Variants in MYT1L observed in about 807,000 individuals in gnomAD.
The protein encoded by MYT1L is myelin transcription factor 1-like protein.
In MYT1L, 12 loss-of-function variants were observed where a neutral mutation model predicts 126.7. The ratio of observed to expected loss-of-function variants is 0.09; its 90% confidence interval spans 0.06 to 0.15. The LOEUF (loss-of-function observed/expected upper bound fraction) is 0.15. MYT1L is among the 10% of genes least tolerant of loss of function. The pLI is 1.00. For missense variants in MYT1L, 979 were observed against 1,585.2 expected (o/e 0.62, Z 6.49); for synonymous variants, 541 against 604.2 (o/e 0.90, Z 1.53).
intron 2 of MYT1L, among the ~76,000 whole-genome samples, chr2:2,203,878 C>CACCAAAACAGCATGGTACTGGT (rs2093194104): frequency 6.6e-6 from 1 of 152,076 alleles, no homozygotes; most frequent in African/African-American, 2.4e-5. Flanking sequence ...AGGCTACAGT[C>CACCAAAACAGCATGGTACTGGT]ACCAAAACAG....
At chr2:1,881,192 T>C (rs2148792881) in intron 18 of MYT1L, among the ~76,000 whole-genome samples, 1 of 152,238 alleles carries the variant, frequency 6.6e-6, no homozygotes, top group Admixed American at 6.5e-5. Flanking sequence ...CCTCCCCACT[T>C]GTAGCCTCTT....
intron 1 of MYT1L, among the ~76,000 whole-genome samples, chr2:2,293,101 T>C (rs1573251827): frequency 1.3e-5 from 2 of 152,336 alleles, no homozygotes; most frequent in East Asian, 3.9e-4. Context: ...TGGAGGCATC[T>C]GGAGCCAGAG....
At chr2:1,869,055 C>T (rs944666542) in intron 18 of MYT1L, among the ~76,000 whole-genome samples, 2 of 152,258 alleles carry the variant, frequency 1.3e-5, no homozygotes, top group African/African-American at 4.8e-5. Context: ...AGAGCTTCAG[C>T]CAGGACTGCC....
chr2:2,218,672 C>G (rs2093763736), intron 2 of MYT1L, among the ~76,000 whole-genome samples: 1 of 152,170 alleles, frequency 6.6e-6, no homozygotes, highest in South Asian at 2.1e-4. Flanking sequence ...TCACAACTTA[C>G]AGAGTTGTAT....
At chr2:2,061,030 C>T (rs959007182) in intron 3 of MYT1L, among the ~76,000 whole-genome samples, 1 of 151,778 alleles carries the variant, frequency 6.6e-6, no homozygotes, top group South Asian at 2.1e-4. Context: ...AATTGTTTTT[C>T]CTTTTAACAT....
At chr2:1,972,230 G>A (rs1479872265) in intron 8 of MYT1L, among the ~76,000 whole-genome samples, 1 of 152,178 alleles carries the variant, frequency 6.6e-6, no homozygotes, top group South Asian at 2.1e-4. Context: ...AGAGCATTCA[G>A]CAGACACTGC....
At position 2,267,868 on chromosome 2, in the gene MYT1L, GA is replaced by G. The variant is rs933612189; in HGVS notation, c.-421+16535del. On this transcript the variant is annotated intron_variant, in intron 2 of 24. Transcript: ENST00000647738. ...TCCTTAAGGCAAGTATGTCAAATAA[GA>G]AAAAAAAAACCAAGGACAGAGGCTT... Among the ~76,000 whole-genome samples, 935 of 148,142 alleles carry G rather than the reference GA, an allele frequency of 6.3e-3. 9 individuals are homozygous for G. The highest frequency in any genetic ancestry group is 0.022 in the African/African-American group (885 of 40,474).
rs116437947 is a variant in MYT1L, at chr2:2,233,469, G to A, written c.-421+50935C>T. Among the ~76,000 whole-genome samples the A allele has an allele frequency of 2.8e-3, 423 of 152,286 alleles. 1 individual carries two copies. Among genetic ancestry groups the A allele is most frequent in the African/African-American group, 9.5e-3 (393 of 41,562 alleles). On this transcript the variant is annotated intron_variant, in intron 2 of 24. Coordinates refer to ENST00000647738, the MANE Select transcript of MYT1L (RefSeq NM_001303052.2). ...GGACCTCGCCTGTGTCTTGGAGGCC[G>A]CCTGCTCTGGCTCCTGAGGGGTCTA...
Position 1,979,412 on chromosome 2 carries a change from G to C in MYT1L, c.89+109C>G. On this transcript the variant is annotated intron_variant, in intron 7 of 24. Transcript: ENST00000647738. The surrounding 1 kb of genome is among the most constrained non-coding windows in gnomAD (Gnocchi z 4.0). ...CGGGGGAATTAATTTCATCAGTGCAGCAGGGCGTGAGCAAGCTGCCGATGA... is the reference window on the plus strand; with the variant it reads ...CGGGGGAATTAATTTCATCAGTGCACCAGGGCGTGAGCAAGCTGCCGATGA... The C allele has an allele frequency of 8.3e-7, 1 of 1,200,550 alleles. No homozygotes were observed. The highest frequency in any genetic ancestry group is 1.2e-6 in the Non-Finnish European group (1 of 805,354). The allele number at this position is 1,200,550 out of a possible 1,614,324, so 74.4% of individuals were successfully genotyped here. A position where few individuals can be genotyped will look rare whatever the true frequency, so the allele number is the denominator to read the frequency against.
intron 15 of MYT1L, among the ~76,000 whole-genome samples, chr2:1,890,417 A>G (rs1332006817): frequency 6.6e-6 from 1 of 152,138 alleles, no homozygotes; most frequent in Non-Finnish European, 1.5e-5. Flanking sequence ...ACTTTACGAA[A>G]GAAGATCTGC....
intron 2 of MYT1L, among the ~76,000 whole-genome samples, chr2:2,249,235 CAAAAAAGAA>C (rs1054579370): frequency 8.0e-5 from 12 of 149,212 alleles, no homozygotes; most frequent in African/African-American, 3.0e-4. Flanking sequence ...CTAAACAATC[CAAAAAAGAA>C]AAAAAAGAAA....
intron 4 of MYT1L, among the ~76,000 whole-genome samples, chr2:2,018,614 T>C (rs72767340): frequency 0.042 from 6,421 of 152,314 alleles, 203 homozygotes; most frequent in Non-Finnish European, 0.065. Context: ...TATGGCATGG[T>C]GCATGCTGCA....
intron 3 of MYT1L, among the ~76,000 whole-genome samples, chr2:2,086,585 T>G (rs993376466): frequency 7.9e-5 from 12 of 152,182 alleles, no homozygotes; most frequent in Admixed American, 2.6e-4. Flanking sequence ...TCTGCAATCC[T>G]GACAACCTCC....
At position 2,231,837 on chromosome 2, in the gene MYT1L, C is replaced by T. The variant is rs552044546; in HGVS notation, c.-421+52567G>A. The stretch of plus-strand genomic sequence containing the variant: ...ATTGGATTTCCACGATAACTCCTCC[C>T]AGATAACTCCTCTAGTCTTATATTT... On this transcript the variant is annotated intron_variant, in intron 2 of 24. Transcript: ENST00000647738. 1.1e-4 allele frequency among the ~76,000 whole-genome samples: 16 copies of T among 152,268 alleles called. No homozygotes were observed. In the South Asian group the frequency reaches 3.1e-3, roughly 30 times the overall value.
intron 22 of MYT1L, among the ~76,000 whole-genome samples, chr2:1,808,529 C>T (rs2036080992): frequency 2.0e-5 from 3 of 152,204 alleles, no homozygotes; most frequent in South Asian, 2.1e-4. Flanking sequence ...AGTGGCTCTC[C>T]TCTCTCCTGC....
At chr2:1,904,931 C>G (rs1002706800) in intron 13 of MYT1L, among the ~76,000 whole-genome samples, 1 of 151,708 alleles carries the variant, frequency 6.6e-6, no homozygotes, top group Admixed American at 6.6e-5. Flanking sequence ...GTAGCTGGGA[C>G]TACAGGCACC....
intron 3 of MYT1L, among the ~76,000 whole-genome samples, chr2:2,087,127 G>A (rs1165156034): frequency 6.6e-6 from 1 of 152,166 alleles, no homozygotes; most frequent in African/African-American, 2.4e-5. Context: ...CACGGTCAGA[G>A]CCCACAGTTT....
intron 14 of MYT1L, among the ~76,000 whole-genome samples, chr2:1,898,212 C>T (rs1489068299): frequency 6.6e-6 from 1 of 152,160 alleles, no homozygotes; most frequent in Non-Finnish European, 1.5e-5. Context: ...TCCATGAAAA[C>T]CAGACAAATG....
intron 4 of MYT1L, among the ~76,000 whole-genome samples, chr2:2,040,974 G>A (rs1574757154): frequency 6.6e-6 from 1 of 152,120 alleles, no homozygotes; most frequent in Admixed American, 6.6e-5. Flanking sequence ...GGCAAAAAGA[G>A]AAACAGGACA....
Sources: allele counts gnomAD v4.1 joint callset (sites outside exome capture counted in the v4.1 genomes callset), GRCh38; gene constraint gnomAD v4.1.1; non-coding constraint Gnocchi (gnomAD v3.1); transcripts MANE v1.5; gene names NCBI Gene and HGNC (gene_info 2026-07-23, HGNC 2026-07-21).